DLGAP1: variants seen among roughly 807,000 people sequenced by gnomAD.
DLGAP1 encodes disks large-associated protein 1.
DLGAP1 carries 11 observed loss-of-function variants against 90.8 expected under a neutral mutation model. That is an observed-to-expected ratio of 0.12 (90% CI 0.08 to 0.20). The LOEUF (loss-of-function observed/expected upper bound fraction) is 0.20. Ranked by LOEUF, DLGAP1 falls within the 10% of genes least tolerant of loss-of-function variation. The pLI is 1.00. For missense variants in DLGAP1, 1,050 were observed against 1,333.8 expected (o/e 0.79, Z 3.31); for synonymous variants, 558 against 540.7 (o/e 1.03, Z -0.44).
intron 5 of DLGAP1, among the ~76,000 whole-genome samples, chr18:3,755,639 T>C (rs1013655015): frequency 2.6e-5 from 4 of 152,144 alleles, no homozygotes; most frequent in Admixed American, 2.6e-4. Context: ...TATAAACATA[T>C]GCACCTAACA....
At chr18:3,939,283 G>A (rs958631933) in intron 3 of DLGAP1, among the ~76,000 whole-genome samples, 2 of 151,680 alleles carry the variant, frequency 1.3e-5, no homozygotes, top group Non-Finnish European at 2.9e-5. Context: ...GCCCTGTGTG[G>A]TGGTGGGCAC....
chr18:4,127,875 T>C (rs1208416624), intron 2 of DLGAP1, among the ~76,000 whole-genome samples: 1 of 152,174 alleles, frequency 6.6e-6, no homozygotes, highest in Non-Finnish European at 1.5e-5. Context: ...AAGAAACACA[T>C]GTAAAACATT....
intron 4 of DLGAP1, among the ~76,000 whole-genome samples, chr18:3,823,459 A>C (rs1403154471): frequency 6.6e-6 from 1 of 152,208 alleles, no homozygotes; most frequent in African/African-American, 2.4e-5. Context: ...GAAAAAATTG[A>C]GACTTAGTGG....
chr18:3,564,232 G>A (rs1599263519), intron 9 of DLGAP1, among the ~76,000 whole-genome samples: 1 of 152,242 alleles, frequency 6.6e-6, no homozygotes, highest in East Asian at 1.9e-4. Context: ...GTGCTCTACA[G>A]TTCTATGATT....
chr18:4,034,811 T>A (rs2074861395), intron 2 of DLGAP1, among the ~76,000 whole-genome samples: 1 of 152,114 alleles, frequency 6.6e-6, no homozygotes, highest in South Asian at 2.1e-4. Context: ...ATTACAAGTG[T>A]AATGAATTTA....
chr18:4,418,634 T>C (rs1035093416), intron 1 of DLGAP1, among the ~76,000 whole-genome samples: 1 of 152,060 alleles, frequency 6.6e-6, no homozygotes, highest in Non-Finnish European at 1.5e-5. Flanking sequence ...AATTTGAAGA[T>C]AGATCAATAG....
chr18:4,185,613 T>A (rs1568439709), intron 1 of DLGAP1, among the ~76,000 whole-genome samples: 1 of 152,172 alleles, frequency 6.6e-6, no homozygotes, highest in Non-Finnish European at 1.5e-5. Flanking sequence ...TGCATAGTAT[T>A]CCATGGTGTA....
chr18:3,721,417 G>A (rs1194057149), intron 7 of DLGAP1: 3 of 152,102 alleles, frequency 2.0e-5, no homozygotes, highest in Admixed American at 6.6e-5. Context: ...TTCCAAATCC[G>A]CATAATGTGA....
chr18:4,209,291 C>T (rs2077790851), intron 1 of DLGAP1, among the ~76,000 whole-genome samples: 1 of 151,938 alleles, frequency 6.6e-6, no homozygotes, highest in Non-Finnish European at 1.5e-5. Context: ...TGCAAAGAGG[C>T]CAAAAGAGAC....
At chr18:3,988,860 G>A (rs1313797624) in intron 3 of DLGAP1, among the ~76,000 whole-genome samples, 1 of 152,232 alleles carries the variant, frequency 6.6e-6, no homozygotes, top group Non-Finnish European at 1.5e-5. Context: ...GTCCGCGGCT[G>A]TGGCGCTGGG....
At chr18:3,734,273 G>C (rs1245251331) in intron 6 of DLGAP1, among the ~76,000 whole-genome samples, 1 of 151,494 alleles carries the variant, frequency 6.6e-6, no homozygotes, top group Non-Finnish European at 1.5e-5. Flanking sequence ...CTCTCTAAGA[G>C]ATAGGGTCTA....
chr18:4,008,560 A>G (rs901961056), intron 2 of DLGAP1, among the ~76,000 whole-genome samples: 2 of 152,192 alleles, frequency 1.3e-5, no homozygotes, highest in African/African-American at 4.8e-5. Flanking sequence ...ATGGCTTCTG[A>G]AGAAATCACA....
intron 4 of DLGAP1, among the ~76,000 whole-genome samples, chr18:3,871,990 A>T (rs532537606): frequency 1.2e-4 from 19 of 152,298 alleles, no homozygotes; most frequent in African/African-American, 4.6e-4. Context: ...TCTGTGAAAC[A>T]ATTAGTAGAA....
intron 5 of DLGAP1, chr18:3,774,744 C>T (rs186294755): frequency 3.9e-5 from 6 of 152,284 alleles, no homozygotes; most frequent in African/African-American, 1.4e-4. Flanking sequence ...ACCTGTACCC[C>T]AAAATATGGA....
In DLGAP1 at chr18:4,165,193, A is replaced by G. The variant is rs1169151569; in HGVS notation, c.-266-13906T>C. ...GTGTAGACTAATTAAAATTAAACTGAAAAGAAAGGCAGAGAAAATATTTTG... is the reference window on the plus strand; with the variant it reads ...GTGTAGACTAATTAAAATTAAACTGGAAAGAAAGGCAGAGAAAATATTTTG... On this transcript the variant is annotated intron_variant, in intron 1 of 12. Coordinates refer to ENST00000315677, the MANE Select transcript of DLGAP1 (RefSeq NM_004746.4). Among the ~76,000 whole-genome samples, 3 of 152,202 alleles carry G rather than the reference A, an allele frequency of 2.0e-5. No homozygotes were observed. The South Asian group carries it at 6.2e-4, about 32-fold the overall frequency.
At chr18:3,970,275 A>G (rs2073418170) in intron 3 of DLGAP1, among the ~76,000 whole-genome samples, 1 of 152,222 alleles carries the variant, frequency 6.6e-6, no homozygotes, top group African/African-American at 2.4e-5. Context: ...AATAAATGAG[A>G]TGAATTCTTT....
chr18:3,783,098 G>A (rs2065273827), intron 5 of DLGAP1, among the ~76,000 whole-genome samples: 1 of 152,144 alleles, frequency 6.6e-6, no homozygotes, highest in African/African-American at 2.4e-5. Context: ...AAACCACAGT[G>A]AATTACTACT....
At chr18:3,812,689 T>C (rs930412372) in intron 5 of DLGAP1, among the ~76,000 whole-genome samples, 1 of 152,208 alleles carries the variant, frequency 6.6e-6, no homozygotes. Flanking sequence ...TTGTTCCACA[T>C]GAACCCTTGA....
chr18:4,110,528 G>C (rs1007868951), intron 2 of DLGAP1, among the ~76,000 whole-genome samples: 1 of 152,166 alleles, frequency 6.6e-6, no homozygotes. Context: ...TGCACAGGCA[G>C]TTTCCAAGTT....
Sources: gnomAD v4.1 joint callset for allele counts (sites outside exome capture counted in the v4.1 genomes callset) on GRCh38, gnomAD v4.1.1 for gene constraint, MANE v1.5 for transcripts, NCBI Gene and HGNC (gene_info 2026-07-23, HGNC 2026-07-21) for gene names.